The following RAPGEF5 variants were observed in gnomAD, a reference collection of about 807,000 sequenced individuals.
RAPGEF5 encodes M-Ras-regulated GEF.
In RAPGEF5, 65 loss-of-function variants were observed where a neutral mutation model predicts 125.2. The ratio of observed to expected loss-of-function variants is 0.52; its 90% confidence interval spans 0.43 to 0.64. RAPGEF5 has a LOEUF of 0.64. Among genes scored for constraint, RAPGEF5 ranks in the 30% least tolerant of loss-of-function variants. The pLI is 0.00. For missense variants in RAPGEF5, 958 were observed against 1,048.1 expected, an observed-to-expected ratio of 0.91 and a Z score of 1.19; for synonymous variants, 391 against 385.9, an observed-to-expected ratio of 1.01 and a Z score of -0.16.
intron 24 of RAPGEF5, among the ~76,000 whole-genome samples, chr7:22,129,916 G>T (rs780848983): frequency 8.5e-5 from 13 of 152,294 alleles, no homozygotes; most frequent in Non-Finnish European, 1.5e-4. Flanking sequence ...TACATGTGGG[G>T]AGTTGGCTGG....
Position 22,209,719 on chromosome 7 carries a change from A to C in RAPGEF5, c.996+10147T>G, listed in dbSNP as rs114857541. On this transcript the variant is annotated intron_variant, in intron 9 of 25. Coordinates refer to ENST00000665637, the MANE Select transcript of RAPGEF5 (RefSeq NM_012294.5). ...AATAGGTAGGGGAGGAGTAGTTCTA[A>C]AGAAGTGTTGTCTTAGGGCAAGGGT... is the stretch of plus-strand genomic sequence containing the variant. Among the ~76,000 whole-genome samples, 794 of 152,290 alleles carry C rather than the reference A, an allele frequency of 5.2e-3. 10 individuals carry two copies. Among genetic ancestry groups the C allele is most frequent in the African/African-American group, 0.018 (759 of 41,548 alleles).
At chr7:22,294,117 T>TGAGA (rs71026872) in intron 5 of RAPGEF5, among the ~76,000 whole-genome samples, 1 of 150,836 alleles carries the variant, frequency 6.6e-6, no homozygotes, top group Non-Finnish European at 1.5e-5. Flanking sequence ...TGCTCGTGAA[T>TGAGA]GAGAGAGAGA....
chr7:22,356,444 G>C (rs1784421375), intron 1 of RAPGEF5: 1 of 169,252 alleles, frequency 5.9e-6, no homozygotes, highest in Non-Finnish European at 1.2e-5. Context: ...CTGCAAACAG[G>C]GATGCCGCTC....
chr7:22,262,145 G>T (rs528566817), intron 7 of RAPGEF5, among the ~76,000 whole-genome samples: 12 of 152,062 alleles, frequency 7.9e-5, no homozygotes, highest in African/African-American at 2.9e-4. Flanking sequence ...GAAAATATTT[G>T]CCAACCAGTC....
At chr7:22,160,978 T>C (rs942054025) in intron 13 of RAPGEF5, among the ~76,000 whole-genome samples, 3 of 150,104 alleles carry the variant, frequency 2.0e-5, no homozygotes, top group African/African-American at 2.5e-5. Context: ...AGGCAGATCA[T>C]GAGTTCAGGA....
intron 6 of RAPGEF5, among the ~76,000 whole-genome samples, chr7:22,278,099 A>G (rs1782598618): frequency 6.6e-6 from 1 of 152,032 alleles, no homozygotes; most frequent in African/African-American, 2.4e-5. Context: ...TAAAATCTTC[A>G]CTAGATTACA....
intron 19 of RAPGEF5, among the ~76,000 whole-genome samples, chr7:22,145,604 C>G (rs1465553003): frequency 1.3e-5 from 2 of 152,106 alleles, no homozygotes; most frequent in Admixed American, 6.6e-5. Flanking sequence ...CACATCAGAC[C>G]CTCACAGGTC....
intron 1 of RAPGEF5, among the ~76,000 whole-genome samples, chr7:22,346,767 T>G (rs1214579860): frequency 6.6e-6 from 1 of 152,196 alleles, no homozygotes; most frequent in East Asian, 1.9e-4. Flanking sequence ...GAATTGTAAC[T>G]TTAGTAAAGA....
intron 7 of RAPGEF5, among the ~76,000 whole-genome samples, chr7:22,264,828 T>A (rs1782242901): frequency 6.6e-6 from 1 of 152,230 alleles, no homozygotes; most frequent in African/African-American, 2.4e-5. Context: ...TTCTCTACTT[T>A]ATTCTGAAAT....
In RAPGEF5 at chr7:22,244,465, C is replaced by T. The variant is rs111924187; in HGVS notation, c.797-13546G>A. Among the ~76,000 whole-genome samples, 255 of 152,070 alleles carry T rather than the reference C, an allele frequency of 1.7e-3. 3 individuals carry two copies. The highest frequency in any genetic ancestry group is 5.9e-3 in the African/African-American group (246 of 41,474). Reference sequence around the variant, plus strand: ...TTAGATTCTCACAGAAGCGTGAACCCTATTGTGAACTGCACATGTGATCTA... The same window carrying T: ...TTAGATTCTCACAGAAGCGTGAACCTTATTGTGAACTGCACATGTGATCTA... On this transcript the variant is annotated intron_variant, in intron 7 of 25. Transcript: ENST00000665637.
Position 22,194,016 on chromosome 7 carries a change from C to CGTCA in RAPGEF5, c.1010_1013dup (p.Thr339AspfsTer6). On this transcript the variant is annotated frameshift_variant, in exon 10 of 26. Coordinates refer to ENST00000665637, the MANE Select transcript of RAPGEF5 (RefSeq NM_012294.5). LOFTEE classifies it high-confidence loss of function. ...GGTCTTGCTCTTTAACCTGAACAGT[C>CGTCA]GTCACTTCATCATCTTGCTTTAATT... The CGTCA allele has an allele frequency of 6.2e-7, 1 of 1,613,644 alleles. No individual in the cohort carries two copies. Among genetic ancestry groups the CGTCA allele is most frequent in the Non-Finnish European group, 8.5e-7 (1 of 1,179,758 alleles).
chr7:22,338,529 T>C (rs1784066493), intron 1 of RAPGEF5, among the ~76,000 whole-genome samples: 1 of 152,244 alleles, frequency 6.6e-6, no homozygotes, highest in South Asian at 2.1e-4. Context: ...ACTGGGATAA[T>C]TCCTTTAGTC....
At chr7:22,272,465 T>C (rs1782457617) in intron 6 of RAPGEF5, among the ~76,000 whole-genome samples, 1 of 152,064 alleles carries the variant, frequency 6.6e-6, no homozygotes. Context: ...TACAAATTAA[T>C]TTTTAATAGA....
chr7:22,325,562 T>C (rs896093309), intron 1 of RAPGEF5, among the ~76,000 whole-genome samples: 2 of 152,150 alleles, frequency 1.3e-5, no homozygotes, highest in Non-Finnish European at 2.9e-5. Context: ...CTCTATAAAT[T>C]ATAAATATAT....
chr7:22,127,453 G>A (rs10260008), intron 24 of RAPGEF5, among the ~76,000 whole-genome samples: 5,299 of 152,268 alleles, frequency 0.035, 283 homozygotes, highest in African/African-American at 0.12. Context: ...GTTGAAGGAA[G>A]TAGCATTTTG....
intron 23 of RAPGEF5, 43 bp from the exon 24 acceptor site, chr7:22,131,144 G>C: frequency 6.7e-7 from 1 of 1,500,012 alleles, no homozygotes; most frequent in Non-Finnish European, 8.9e-7. Flanking sequence ...ATTAGGAATG[G>C]ATCATGAGTC....
intron 1 of RAPGEF5, 101 bp from the exon 2 acceptor site, chr7:22,318,138 GAA>G (rs34008002): frequency 0.011 from 7,867 of 685,224 alleles, no homozygotes; most frequent in South Asian, 0.016. Flanking sequence ...CCTCTGCTAT[GAA>G]AAAAAAAAAA....
intron 11 of RAPGEF5, chr7:22,191,669 T>G (rs1263149905): frequency 1.1e-5 from 5 of 470,916 alleles, no homozygotes; most frequent in African/African-American, 1.0e-4. Context: ...AATAAGTCAC[T>G]AGACAGGATG....
chr7:22,244,466 T>C (rs1481016622), intron 7 of RAPGEF5, among the ~76,000 whole-genome samples: 2 of 151,920 alleles, frequency 1.3e-5, no homozygotes, highest in Non-Finnish European at 2.9e-5. Context: ...GCGTGAACCC[T>C]ATTGTGAACT....
Sources: allele counts gnomAD v4.1 joint callset (sites outside exome capture counted in the v4.1 genomes callset), GRCh38; gene constraint gnomAD v4.1.1; transcripts MANE v1.5; gene names NCBI Gene and HGNC (gene_info 2026-07-23, HGNC 2026-07-21).